TCF12: variants seen among roughly 807,000 people sequenced by gnomAD.
The protein encoded by TCF12 is transcription factor 12.
Under a neutral mutation model 86.0 loss-of-function variants are expected in TCF12, and 45 were observed. The ratio of observed to expected loss-of-function variants is 0.52; its 90% CI spans 0.41 to 0.67. TCF12 has a LOEUF of 0.67. Among genes scored for constraint, TCF12 ranks in the 30% least tolerant of loss-of-function variants. The pLI, the probability that TCF12 is intolerant of heterozygous loss-of-function variation, is 0.00. For synonymous variants in TCF12, 330 were observed against 299.6 expected (o/e 1.10, Z -1.05); for missense variants, 881 against 859.9 (o/e 1.02, Z -0.31).
At chr15:57,145,638 A>C (rs1164252791) in intron 5 of TCF12, among the ~76,000 whole-genome samples, 1 of 151,380 alleles carries the variant, frequency 6.6e-6, no homozygotes, top group Non-Finnish European at 1.5e-5. Flanking sequence ...TTAGAGAATG[A>C]AAAAGGGAAA....
At chr15:57,079,373 G>A (rs2070423564) in intron 4 of TCF12, among the ~76,000 whole-genome samples, 1 of 152,130 alleles carries the variant, frequency 6.6e-6, no homozygotes, top group Non-Finnish European at 1.5e-5. Flanking sequence ...GCCATGGAAG[G>A]AGATGCTTCC....
At position 57,039,593 on chromosome 15, in the gene TCF12, C is replaced by T. The variant is rs184988584; in HGVS notation, c.149-24157C>T. On this transcript the variant is annotated intron_variant, in intron 3 of 20. Transcript: ENST00000333725. ...AAAAAAATCCTTAATTTTATCATAG[C>T]TTCAGCTTTTGTTTTTATTGTTGCT... Among the ~76,000 whole-genome samples, 38 of 152,134 alleles carry T rather than the reference C, an allele frequency of 2.5e-4. No individual in the cohort carries two copies. The East Asian group carries it at 7.1e-3, about 29-fold the overall frequency.
At chr15:57,088,021 A>G (rs2048759452) in intron 4 of TCF12, among the ~76,000 whole-genome samples, 2 of 152,046 alleles carry the variant, frequency 1.3e-5, no homozygotes, top group South Asian at 4.1e-4. Context: ...AATTTGAAAT[A>G]TGCAGCATGA....
chr15:56,946,341 T>C (rs1213408933), intron 3 of TCF12, among the ~76,000 whole-genome samples: 3 of 152,236 alleles, frequency 2.0e-5, no homozygotes, highest in African/African-American at 7.2e-5. Flanking sequence ...GTCTTCAGGC[T>C]ACCGATCTTT....
At chr15:57,009,006 T>C (rs2064654757) in intron 3 of TCF12, among the ~76,000 whole-genome samples, 2 of 152,224 alleles carry the variant, frequency 1.3e-5, no homozygotes, top group Non-Finnish European at 2.9e-5. Context: ...CCTAAATTTG[T>C]AAAATAAAAT....
At chr15:57,022,830 A>G (rs1265661718) in intron 3 of TCF12, among the ~76,000 whole-genome samples, 1 of 152,066 alleles carries the variant, frequency 6.6e-6, no homozygotes, top group East Asian at 1.9e-4. Context: ...GATGATGAGC[A>G]TTTTTTCACG....
intron 19 of TCF12, among the ~76,000 whole-genome samples, chr15:57,279,847 C>T (rs916378925): frequency 2.7e-5 from 4 of 147,874 alleles, no homozygotes; most frequent in African/African-American, 7.6e-5. Flanking sequence ...CTCAGTCTCT[C>T]GGGTCATTAT....
intron 3 of TCF12, among the ~76,000 whole-genome samples, chr15:56,923,503 C>T: frequency 6.6e-6 from 1 of 152,090 alleles, no homozygotes; most frequent in East Asian, 1.9e-4. Flanking sequence ...ATGATAGGCT[C>T]TGTGAAGTGT....
At chr15:57,095,821 C>G (rs976576138) in intron 5 of TCF12, among the ~76,000 whole-genome samples, 3 of 152,044 alleles carry the variant, frequency 2.0e-5, no homozygotes, top group African/African-American at 7.2e-5. Context: ...TTGTACAGCT[C>G]TAGAATTTTA....
intron 7 of TCF12, among the ~76,000 whole-genome samples, chr15:57,196,265 T>C (rs1230855373): frequency 6.6e-6 from 1 of 152,210 alleles, no homozygotes; most frequent in Non-Finnish European, 1.5e-5. Flanking sequence ...TATAACTATT[T>C]ACATAGCATT....
intron 19 of TCF12, among the ~76,000 whole-genome samples, chr15:57,276,693 ATCATCAGCGT>A (rs765051815): frequency 2.0e-5 from 3 of 152,142 alleles, no homozygotes; most frequent in Non-Finnish European, 2.9e-5. Flanking sequence ...GAATCAAAAT[ATCATCAGCGT>A]TCTGGACAGT....
rs541514650 is a variant in TCF12, at chr15:57,253,502, C to G, written c.1467+34C>G. 3.1e-6 allele frequency: 5 copies of G among 1,604,748 alleles called. No homozygotes were observed. In the African/African-American group the frequency reaches 4.0e-5, roughly 13 times the overall value. On this transcript the variant is annotated intron_variant, in intron 16 of 20. Transcript: ENST00000333725. ...ATGCTCATCTTTTTTGTAGTAAACC[C>G]TAAAGATTCTTGTCCTAAATGTCTT...
Position 57,164,453 on chromosome 15 carries a change from G to A in TCF12, c.326-1949G>A, listed in dbSNP as rs558990107. 2.6e-5 allele frequency among the ~76,000 whole-genome samples: 4 copies of A among 152,268 alleles called. No homozygotes were observed. The South Asian group carries it at 8.3e-4, about 32-fold the overall frequency. ...CTTCACATGGCAGCAGCAAGGAGAA[G>A]TACCGAGCAAAAGGGGAAAAACCCC... is the stretch of plus-strand genomic sequence containing the variant. On this transcript the variant is annotated intron_variant, in intron 5 of 20. Coordinates refer to ENST00000333725, the MANE Select transcript of TCF12 (RefSeq NM_207037.2).
intron 6 of TCF12, among the ~76,000 whole-genome samples, chr15:57,172,774 A>G (rs2055607809): frequency 6.6e-6 from 1 of 152,000 alleles, no homozygotes. Context: ...TCTGAATCTA[A>G]AATACAAGTT....
At position 57,059,536 on chromosome 15, in the gene TCF12, C is replaced by A. The variant is rs77119258; in HGVS notation, c.149-4214C>A. The stretch of plus-strand genomic sequence containing the variant: ...TTACCCTAGTCTTGGTTCAGGGTGG[C>A]GGAGTCTTTAGTGATAGGTCTGGTA... On this transcript the variant is annotated intron_variant, in intron 3 of 20. Transcript: ENST00000333725. 9.7e-4 allele frequency among the ~76,000 whole-genome samples: 147 copies of A among 152,086 alleles called. 1 individual carries two copies. In the East Asian group the frequency reaches 0.02, roughly 21 times the overall value.
chr15:57,163,618 G>T (rs1465135539), intron 5 of TCF12, among the ~76,000 whole-genome samples: 1 of 152,166 alleles, frequency 6.6e-6, no homozygotes, highest in African/African-American at 2.4e-5. Flanking sequence ...TGGGAGGATT[G>T]CTTGAGCCCA....
intron 8 of TCF12, 67 bp downstream of exon 8, chr15:57,197,892 C>A: frequency 2.0e-6 from 3 of 1,511,576 alleles, no homozygotes; most frequent in Non-Finnish European, 2.7e-6. Context: ...TATTACCTTG[C>A]TACAAGGGTA....
chr15:57,002,547 A>G (rs16977183), intron 3 of TCF12, among the ~76,000 whole-genome samples: 2,085 of 152,234 alleles, frequency 0.014, 56 homozygotes, highest in African/African-American at 0.044. Flanking sequence ...CTCCTTCTGT[A>G]TTTTTTGACA....
rs184883171 is a variant in TCF12, at chr15:57,020,668, C to T, written c.149-43082C>T. Among the ~76,000 whole-genome samples the T allele has an allele frequency of 1.8e-3, 276 of 152,214 alleles. 2 individuals carry two copies. The highest frequency in any genetic ancestry group is 1.5e-3 in the Non-Finnish European group (101 of 68,020). On this transcript the variant is annotated intron_variant, in intron 3 of 20. Coordinates refer to ENST00000333725, the MANE Select transcript of TCF12 (RefSeq NM_207037.2). Reference sequence around the variant, plus strand: ...AAGGTCGCTTGGGAAATGTGTTCAACGAAATAAACATATATTGTTTAATTG... The same window carrying T: ...AAGGTCGCTTGGGAAATGTGTTCAATGAAATAAACATATATTGTTTAATTG...
Sources: gnomAD v4.1 joint callset for allele counts (sites outside exome capture counted in the v4.1 genomes callset) on GRCh38, gnomAD v4.1.1 for gene constraint, MANE v1.5 for transcripts, NCBI Gene and HGNC (gene_info 2026-07-23, HGNC 2026-07-21) for gene names.